Variants in DPYD observed in about 807,000 individuals in gnomAD.
DPYD encodes dihydropyrimidine dehydrogenase.
In DPYD, 109 loss-of-function variants were observed where a neutral mutation model predicts 116.2. That is an observed-to-expected ratio of 0.94 (90% CI 0.80 to 1.10). DPYD has a LOEUF of 1.10. Ranked by LOEUF, DPYD falls within the 50% of genes least tolerant of loss-of-function variation. The pLI is 0.00. For synonymous variants in DPYD, 440 were observed against 432.0 expected (o/e 1.02, Z -0.23); for missense variants, 1,302 against 1,254.5 (o/e 1.04, Z -0.57).
intron 14 of DPYD, among the ~76,000 whole-genome samples, chr1:97,424,912 A>T (rs953643941): frequency 6.6e-6 from 1 of 152,076 alleles, no homozygotes; most frequent in African/African-American, 2.4e-5. Flanking sequence ...GTTCTGAATT[A>T]GTTAAGCACA....
intron 4 of DPYD, among the ~76,000 whole-genome samples, chr1:97,722,675 T>C (rs1027941196): frequency 6.6e-6 from 1 of 151,616 alleles, no homozygotes; most frequent in African/African-American, 2.4e-5. Flanking sequence ...GTTGCTTCCA[T>C]GAAAAGCCTC....
At position 97,234,866 on chromosome 1, in the gene DPYD, CACCACTATGGAGAAACTGAAG is replaced by C; in HGVS notation, c.2407_2427del (p.Leu803_Gly809del). On this transcript the variant is annotated inframe_deletion, in exon 19 of 23. Coordinates refer to ENST00000370192, the MANE Select transcript of DPYD (RefSeq NM_000110.4). ...ACAATGACTACCTGGAGGACGGAAG[CACCACTATGGAGAAACTGAAG>C]ACCACTTTCAGCAGAGTCAATTCCA... 1 of 1,613,854 alleles carries C rather than the reference CACCACTATGGAGAAACTGAAG, an allele frequency of 6.2e-7. No individual in the cohort carries two copies. The highest frequency in any genetic ancestry group is 8.5e-7 in the Non-Finnish European group (1 of 1,179,924).
At chr1:97,186,830 A>G (rs1658025554) in intron 20 of DPYD, among the ~76,000 whole-genome samples, 1 of 152,220 alleles carries the variant, frequency 6.6e-6, no homozygotes, top group Non-Finnish European at 1.5e-5. Flanking sequence ...CCTGGGTGAC[A>G]GAGCAAGACT....
Position 97,740,485 on chromosome 1 carries a change from A to T in DPYD, c.234-6T>A. ...CATCTGCACATTTCAGGCATCTAGG[A>T]AATAAAATAACTATGTTAAGAAACT... On this transcript the variant is annotated splice_polypyrimidine_tract_variant and splice_region_variant and intron_variant, in intron 3 of 22. Transcript: ENST00000370192. 6.2e-7 allele frequency: 1 copy of T among 1,610,088 alleles called. No homozygotes were observed.
intron 20 of DPYD, among the ~76,000 whole-genome samples, chr1:97,160,399 C>T (rs1232491436): frequency 2.0e-5 from 3 of 151,974 alleles, no homozygotes; most frequent in Non-Finnish European, 4.4e-5. Context: ...TAAACTAACA[C>T]TGTATCTTTT....
At chr1:97,678,518 C>G (rs762826317) in intron 8 of DPYD, among the ~76,000 whole-genome samples, 1 of 152,122 alleles carries the variant, frequency 6.6e-6, no homozygotes, top group Non-Finnish European at 1.5e-5. Flanking sequence ...TCAGTAAACA[C>G]TAAGTGGAAG....
chr1:97,078,871 AT>A lies in DPYD; in HGVS notation c.*104del. 1 of 1,301,204 alleles carries A rather than the reference AT, an allele frequency of 7.7e-7. No homozygotes were observed. Among genetic ancestry groups the A allele is most frequent in the Middle Eastern group, 2.0e-4 (1 of 5,116 alleles). The allele number at this position is 1,301,204 out of a possible 1,614,324, so 80.6% of individuals were successfully genotyped here. ...TTACATATTTTTATTTAGAAAATGT[AT>A]ATTTGTTTTAATTTGGAAAGAGCTG... On this transcript the variant is annotated 3_prime_UTR_variant, in exon 23 of 23. Coordinates refer to ENST00000370192, the MANE Select transcript of DPYD (RefSeq NM_000110.4).
chr1:97,267,897 C>T (rs1377100386), intron 18 of DPYD, among the ~76,000 whole-genome samples: 3 of 152,042 alleles, frequency 2.0e-5, no homozygotes, highest in Non-Finnish European at 4.4e-5. Context: ...AGTCCAAAGT[C>T]CAGAGTGTCA....
At chr1:97,663,316 C>A (rs750522891) in intron 8 of DPYD, among the ~76,000 whole-genome samples, 3 of 152,128 alleles carry the variant, frequency 2.0e-5, no homozygotes, top group Non-Finnish European at 4.4e-5. Flanking sequence ...GTAATTGTCA[C>A]CACCATCCAT....
chr1:97,453,167 G>T (rs1358435622), intron 13 of DPYD, among the ~76,000 whole-genome samples: 2 of 152,036 alleles, frequency 1.3e-5, no homozygotes, highest in Non-Finnish European at 2.9e-5. Flanking sequence ...CAGAAAGCAT[G>T]CTTGAACTTC....
intron 3 of DPYD, among the ~76,000 whole-genome samples, chr1:97,745,371 A>T (rs941524166): frequency 6.6e-6 from 1 of 152,090 alleles, no homozygotes; most frequent in African/African-American, 2.4e-5. Flanking sequence ...TTAAATAGCT[A>T]TTTATCTACT....
intron 7 of DPYD, among the ~76,000 whole-genome samples, chr1:97,680,374 G>C (rs1660367984): frequency 6.6e-6 from 1 of 152,158 alleles, no homozygotes; most frequent in African/African-American, 2.4e-5. Flanking sequence ...GCCAACACCA[G>C]AGAATTTCTG....
At chr1:97,638,912 GACC>G (rs1287578457) in intron 8 of DPYD, among the ~76,000 whole-genome samples, 5 of 152,084 alleles carry the variant, frequency 3.3e-5, no homozygotes, top group Non-Finnish European at 7.4e-5. Flanking sequence ...TAACAATGAG[GACC>G]ACATTTCAAC....
intron 14 of DPYD, among the ~76,000 whole-genome samples, chr1:97,414,787 G>A (rs1367002678): frequency 1.3e-5 from 2 of 152,226 alleles, no homozygotes; most frequent in Non-Finnish European, 2.9e-5. Flanking sequence ...CGTCCTAGCA[G>A]TAAGCAGTAC....
chr1:97,667,405 CAT>C (rs1425606731), intron 8 of DPYD, among the ~76,000 whole-genome samples: 3 of 152,020 alleles, frequency 2.0e-5, no homozygotes, highest in Non-Finnish European at 2.9e-5. Context: ...GTTGATTAAT[CAT>C]ATGTTTATAT....
intron 16 of DPYD, among the ~76,000 whole-genome samples, chr1:97,342,385 T>C (rs1241624233): frequency 6.6e-6 from 1 of 152,162 alleles, no homozygotes; most frequent in Non-Finnish European, 1.5e-5. Context: ...TGTGCCTTAA[T>C]AAAACTTGGA....
chr1:97,594,678 T>C (rs945687938), intron 9 of DPYD, among the ~76,000 whole-genome samples: 1 of 152,118 alleles, frequency 6.6e-6, no homozygotes, highest in Non-Finnish European at 1.5e-5. Flanking sequence ...AAATTACTGT[T>C]TAAGAGAAGA....
chr1:97,817,880 C>G (rs1208607285), intron 3 of DPYD, among the ~76,000 whole-genome samples: 1 of 152,044 alleles, frequency 6.6e-6, no homozygotes, highest in Non-Finnish European at 1.5e-5. Flanking sequence ...CTAATCCTCA[C>G]AGTACCAATT....
intron 1 of DPYD, among the ~76,000 whole-genome samples, chr1:97,888,179 C>A (rs1312203661): frequency 1.3e-5 from 2 of 152,078 alleles, no homozygotes; most frequent in Admixed American, 6.5e-5. Flanking sequence ...TTAACAAAAA[C>A]AACAAGCAGG....
Sources: allele counts gnomAD v4.1 joint callset (sites outside exome capture counted in the v4.1 genomes callset), GRCh38; gene constraint gnomAD v4.1.1; transcripts MANE v1.5; gene names NCBI Gene and HGNC (gene_info 2026-07-23, HGNC 2026-07-21).